The following SPRR2G variants were observed in gnomAD, a reference collection of about 807,000 sequenced individuals.
The protein encoded by SPRR2G is small proline-rich protein 2G.
In SPRR2G, 1 loss-of-function variant was observed where a neutral mutation model predicts 0.7. The observed-to-expected ratio is 1.49, with a 90% CI of 0.53 to 7.06. The LOEUF is 7.06. SPRR2G is among the 30% of genes most tolerant of loss of function. The probability of loss-of-function intolerance (pLI) is 0.14; values close to 1 mark genes in which losing one functional copy is unlikely to be tolerated. For missense variants in SPRR2G, 96 were observed against 88.5 expected, an observed-to-expected ratio of 1.09 and a Z score of -0.34; for synonymous variants, 38 against 33.9, an observed-to-expected ratio of 1.12 and a Z score of -0.42.
chr1:153,152,521 T>A (rs1656493670), upstream of SPRR2G, among the ~76,000 whole-genome samples: 1 of 152,190 alleles, frequency 6.6e-6, no homozygotes, highest in African/African-American at 2.4e-5. Context: ...GGTAGGAACG[T>A]CTTTGAGTTG....
chr1:153,190,671 A>G, the SPRR2G span: 2 of 152,238 alleles, frequency 1.3e-5, no homozygotes, highest in African/African-American at 4.8e-5. Flanking sequence ...CTAGGAGCAA[A>G]CATTGTTTAA....
At chr1:153,171,953 C>T in the SPRR2G span, among the ~76,000 whole-genome samples, 24 of 152,102 alleles carry the variant, frequency 1.6e-4, 1 homozygote, top group Non-Finnish European at 1.9e-4. Flanking sequence ...TCAGTATCTA[C>T]GTCTGTCCTT....
upstream of SPRR2G, among the ~76,000 whole-genome samples, chr1:153,152,320 C>T (rs192101956): frequency 1.6e-4 from 24 of 152,080 alleles, no homozygotes; most frequent in African/African-American, 5.3e-4. Flanking sequence ...ACTAATTAGA[C>T]GGCATGGGTA....
the SPRR2G span, among the ~76,000 whole-genome samples, chr1:153,161,822 T>C: frequency 6.6e-5 from 10 of 152,344 alleles, no homozygotes; most frequent in East Asian, 1.9e-3. Context: ...CCTCAGGTAA[T>C]ATGCAGACTT....
At chr1:153,150,394 A>C (rs1157526897) in intron 1 of SPRR2G, among the ~76,000 whole-genome samples, 1 of 152,236 alleles carries the variant, frequency 6.6e-6, no homozygotes, top group African/African-American at 2.4e-5. Context: ...GAATACAAAC[A>C]CTATCTGAAG....
upstream of SPRR2G, among the ~76,000 whole-genome samples, chr1:153,154,432 A>C (rs1281687125): frequency 1.3e-5 from 2 of 152,092 alleles, no homozygotes; most frequent in Admixed American, 6.6e-5. Context: ...TTATTAATAC[A>C]TTAGTTATTT....
chr1:153,162,378 C>T, the SPRR2G span, among the ~76,000 whole-genome samples: 5 of 152,090 alleles, frequency 3.3e-5, no homozygotes, highest in Non-Finnish European at 7.4e-5. Context: ...ATGGTGAATA[C>T]CAATTGTTTT....
chr1:153,198,717 G>A, the SPRR2G span, among the ~76,000 whole-genome samples: 1 of 152,190 alleles, frequency 6.6e-6, no homozygotes, highest in Non-Finnish European at 1.5e-5. Context: ...TGTGGAAGGT[G>A]TTGAACTCTG....
the SPRR2G span, among the ~76,000 whole-genome samples, chr1:153,181,245 T>C: frequency 6.6e-6 from 1 of 152,164 alleles, no homozygotes. Context: ...ATTTTGTTTG[T>C]TTGTTTTTGG....
chr1:153,202,060 T>C, the SPRR2G span, among the ~76,000 whole-genome samples: 1 of 152,200 alleles, frequency 6.6e-6, no homozygotes, highest in East Asian at 1.9e-4. Flanking sequence ...TACATGATAG[T>C]AGATTTTAAA....
chr1:153,188,347 G>A, the SPRR2G span, among the ~76,000 whole-genome samples: 2 of 152,196 alleles, frequency 1.3e-5, no homozygotes, highest in Admixed American at 6.5e-5. Flanking sequence ...GGAGATGGGA[G>A]TTTTATTTAT....
In SPRR2G at chr1:153,150,026, G is replaced by T; in HGVS notation, c.85C>A (p.Pro29Thr). The change falls in exon 2 of 2, where the codon CCC (proline) becomes ACC (threonine). Residue 29 changes from proline to threonine, a missense_variant. Physicochemically the swap from Pro to Thr is conservative, Grantham distance 38 (BLOSUM62 -1). Transcript: ENST00000368748. ...AGGTAAGGCTCAGGGCACTTCGGGG[G>T]TGGACATGGCTCTGGGCACTTTGGC... is the stretch of plus-strand genomic sequence containing the variant. The part of the protein sequence containing the change: ...PTPKCPEPCP[P>T]PKCPEPYLPP... 6.2e-7 allele frequency: 1 copy of T among 1,613,748 alleles called. No individual in the cohort carries two copies. The highest frequency in any genetic ancestry group is 8.5e-7 in the Non-Finnish European group (1 of 1,179,940).
the SPRR2G span, among the ~76,000 whole-genome samples, chr1:153,198,067 G>A: frequency 6.6e-6 from 1 of 152,158 alleles, no homozygotes; most frequent in Non-Finnish European, 1.5e-5. Flanking sequence ...CTTGGCTAAG[G>A]CAACTAACTG....
At chr1:153,197,131 AATGTGT>A in the SPRR2G span, among the ~76,000 whole-genome samples, 5 of 104,522 alleles carry the variant, frequency 4.8e-5, no homozygotes, top group East Asian at 2.0e-3. Context: ...CCAGGCAGAG[AATGTGT>A]GTGTGTGTGT....
the SPRR2G span, among the ~76,000 whole-genome samples, chr1:153,175,404 G>A: frequency 6.6e-6 from 1 of 152,176 alleles, no homozygotes; most frequent in Non-Finnish European, 1.5e-5. Flanking sequence ...CGTAAGTCCA[G>A]TCCATGCAAC....
At chr1:153,177,856 C>T in the SPRR2G span, among the ~76,000 whole-genome samples, 1 of 150,854 alleles carries the variant, frequency 6.6e-6, no homozygotes, top group South Asian at 2.1e-4. Context: ...AAATTTGGTC[C>T]ATTAAGTCCT....
At chr1:153,159,325 A>T in the SPRR2G span, among the ~76,000 whole-genome samples, 18 of 152,204 alleles carry the variant, frequency 1.2e-4, no homozygotes, top group Non-Finnish European at 1.8e-4. Flanking sequence ...TTTTTGCTAA[A>T]GCATAGCAGC....
the SPRR2G span, among the ~76,000 whole-genome samples, chr1:153,199,960 GA>G: frequency 2.6e-5 from 4 of 151,788 alleles, no homozygotes; most frequent in African/African-American, 7.3e-5. Flanking sequence ...AAAAGGCATG[GA>G]AAAAAATAGA....
chr1:153,167,443 A>T, the SPRR2G span, among the ~76,000 whole-genome samples: 1 of 152,052 alleles, frequency 6.6e-6, no homozygotes, highest in Non-Finnish European at 1.5e-5. Context: ...CATTGCACCC[A>T]GTCTGGGCAA....
Sources: gnomAD v4.1 joint callset for allele counts (sites outside exome capture counted in the v4.1 genomes callset) on GRCh38, gnomAD v4.1.1 for gene constraint, MANE v1.5 for transcripts, NCBI Gene and HGNC (gene_info 2026-07-23, HGNC 2026-07-21) for gene names.